ELFN2: variants seen among roughly 807,000 people sequenced by gnomAD.
ELFN2 encodes the protein extracellular leucine rich repeat and fibronectin type III domain containing 2.
Under a neutral mutation model 45.5 loss-of-function variants are expected in ELFN2, and 17 were observed. The observed-to-expected ratio is 0.37, with a 90% confidence interval of 0.26 to 0.56. The LOEUF is 0.56. Ranked by LOEUF, ELFN2 falls within the 20% of genes least tolerant of loss-of-function variation. ELFN2 has a pLI of 0.77. For synonymous variants in ELFN2, 550 were observed against 551.5 expected, an observed-to-expected ratio of 1.00 and a Z score of 0.04; for missense variants, 922 against 1,183.2, an observed-to-expected ratio of 0.78 and a Z score of 3.24.
Position 37,374,399 on chromosome 22 carries a change from G to A in ELFN2, c.1136C>T (p.Thr379Met). Reference sequence around the variant, plus strand: ...CAAGTCTCCGGGGACGGGGTCCCGCGTGGTGAAGGTCAGGCAGGTGTGGTT... The same window carrying A: ...CAAGTCTCCGGGGACGGGGTCCCGCATGGTGAAGGTCAGGCAGGTGTGGTT... Reference protein sequence around the residue: ...RFNHTCLTFTTRDPVPGDLAP... With the variant: ...RFNHTCLTFTMRDPVPGDLAP... Residue 379 changes from threonine to methionine, a missense_variant, in exon 3 of 3, where the codon ACG becomes ATG. Transcript: ENST00000402918. 1.2e-6 allele frequency: 2 copies of A among 1,613,922 alleles called. No homozygotes were observed. Among genetic ancestry groups the A allele is most frequent in the Non-Finnish European group, 1.7e-6 (2 of 1,179,890 alleles).
chr22:37,381,317 C>T (rs1022886836), intron 2 of ELFN2, among the ~76,000 whole-genome samples: 2 of 75,396 alleles, frequency 2.7e-5, no homozygotes, highest in African/African-American at 4.3e-5. Context: ...GGGTTTTCTG[C>T]CCCTGTCAGA....
At chr22:37,410,651 C>T (rs952800511) in intron 2 of ELFN2, among the ~76,000 whole-genome samples, 7 of 152,312 alleles carry the variant, frequency 4.6e-5, no homozygotes, top group African/African-American at 1.7e-4. Flanking sequence ...GACCGGAAAC[C>T]GCAGGCGTGG....
At chr22:37,421,837 T>C (rs1015282526) in intron 1 of ELFN2, among the ~76,000 whole-genome samples, 11 of 152,194 alleles carry the variant, frequency 7.2e-5, no homozygotes, top group Admixed American at 2.0e-4. Flanking sequence ...TAGGCAGATG[T>C]AGGAAATCCA....
In ELFN2 at chr22:37,409,507, G is replaced by T. The variant is rs577875988; in HGVS notation, c.-463+8262C>A. ...AGCCCGCAGGCAGGAATCCCAGCCA[G>T]AATGGGCTCCTGCCTAAAGTGCTCA... On this transcript the variant is annotated intron_variant, in intron 2 of 2. Transcript: ENST00000402918. Among the ~76,000 whole-genome samples the T allele has an allele frequency of 9.5e-4, 145 of 152,324 alleles. 3 individuals are homozygous for T. Among genetic ancestry groups the T allele is most frequent in the Admixed American group, 7.8e-3 (119 of 15,312 alleles).
intron 1 of ELFN2, among the ~76,000 whole-genome samples, chr22:37,418,652 T>C (rs1188043578): frequency 6.7e-6 from 1 of 149,060 alleles, no homozygotes. Flanking sequence ...CTCCTGTTGG[T>C]CACTCGGATC....
chr22:37,392,918 A>C (rs1932120974), intron 2 of ELFN2, among the ~76,000 whole-genome samples: 2 of 152,208 alleles, frequency 1.3e-5, no homozygotes, highest in South Asian at 4.1e-4. Context: ...AATCATTCAG[A>C]CACACCTGCA....
chr22:37,358,569 C>T (rs1024894061), intron 1 of ELFN2, among the ~76,000 whole-genome samples: 1 of 152,234 alleles, frequency 6.6e-6, no homozygotes, highest in Non-Finnish European at 1.5e-5. Flanking sequence ...TCATTCTTCT[C>T]GTCCCATTTC....
rs948692040 is a variant in ELFN2, at chr22:37,372,876, G to A, written c.*196C>T. 54 of 598,796 alleles carry A rather than the reference G, an allele frequency of 9.0e-5. No individual in the cohort carries two copies. Among genetic ancestry groups the A allele is most frequent in the East Asian group, 1.7e-4 (6 of 34,628 alleles). 37.1% of individuals were successfully genotyped at this position (598,796 alleles called of 1,614,324 possible). A position where few individuals can be genotyped will look rare whatever the true frequency, so the allele number is the denominator to read the frequency against. On this transcript the variant is annotated 3_prime_UTR_variant, in exon 3 of 3. Transcript: ENST00000402918. The surrounding 1 kb of genome is among the most constrained non-coding windows in gnomAD (Gnocchi z 4.4). ...AAAATGTGTCTCTGTTTTCCTGTCCGTTATTGTCGGATGTTGGTTTGTTCA... is the reference window on the plus strand; with the variant it reads ...AAAATGTGTCTCTGTTTTCCTGTCCATTATTGTCGGATGTTGGTTTGTTCA...
At chr22:37,391,394 G>C (rs1932083271) in intron 2 of ELFN2, among the ~76,000 whole-genome samples, 1 of 152,106 alleles carries the variant, frequency 6.6e-6, no homozygotes, top group African/African-American at 2.4e-5. Flanking sequence ...ATCACCCTGG[G>C]AACACAAGAG....
chr22:37,395,022 T>C (rs1932175799), intron 2 of ELFN2, among the ~76,000 whole-genome samples: 1 of 151,872 alleles, frequency 6.6e-6, no homozygotes, highest in African/African-American at 2.4e-5. Context: ...GGAGAATCAC[T>C]TGAACCCAGG....
At chr22:37,381,510 G>A (rs904045289) in intron 2 of ELFN2, among the ~76,000 whole-genome samples, 2 of 151,540 alleles carry the variant, frequency 1.3e-5, no homozygotes, top group African/African-American at 2.4e-5. Context: ...TAATCCACCT[G>A]AGATCTCTGC....
chr22:37,391,863 C>G (rs915788923), intron 2 of ELFN2, among the ~76,000 whole-genome samples: 7 of 152,230 alleles, frequency 4.6e-5, no homozygotes, highest in Admixed American at 4.6e-4. Flanking sequence ...CCCACATCCT[C>G]TGAGACTCAG....
chr22:37,380,256 G>A (rs1569134460), intron 2 of ELFN2, among the ~76,000 whole-genome samples: 2 of 152,166 alleles, frequency 1.3e-5, no homozygotes, highest in Admixed American at 6.5e-5. Context: ...AGCTGGGGAC[G>A]CAGGCAGCGG....
Position 37,374,685 on chromosome 22 carries a change from C to T in ELFN2, c.850G>A (p.Glu284Lys), listed in dbSNP as rs1475468087. 6.2e-7 allele frequency: 1 copy of T among 1,611,652 alleles called. No individual in the cohort carries two copies. The highest frequency in any genetic ancestry group is 1.1e-5 in the South Asian group (1 of 91,038). The change falls in exon 3 of 3, where the codon GAG becomes AAG. Residue 284 changes from glutamate (E) to lysine (K), a missense_variant. Glu to Lys is a moderately conservative substitution (Grantham distance 56). This residue lies in a region of ELFN2 where 358 missense variants were observed against 540.4 expected (regional missense o/e 0.66). Coordinates refer to ENST00000402918, the MANE Select transcript of ELFN2 (RefSeq NM_052906.5). Reference sequence around the variant, plus strand: ...TCCGTGGTGGACGAGGCCGGCGGCTCCACCGAAAGGATCTCGTCGGGGTTG... The same window carrying T: ...TCCGTGGTGGACGAGGCCGGCGGCTTCACCGAAAGGATCTCGTCGGGGTTG... ...GFNPDEILSVEPPASSTTDAS... is the reference protein window; with the variant it reads ...GFNPDEILSVKPPASSTTDAS...
chr22:37,347,641 AACACACACACACAC>A (rs55967141), intron 1 of ELFN2, among the ~76,000 whole-genome samples: 165 of 146,676 alleles, frequency 1.1e-3, no homozygotes, highest in Middle Eastern at 0.01. Context: ...TGGGTGGCAG[AACACACACACACAC>A]ACACACACAC....
At chr22:37,416,508 G>C (rs1047128922) in intron 2 of ELFN2, among the ~76,000 whole-genome samples, 2 of 152,190 alleles carry the variant, frequency 1.3e-5, no homozygotes, top group Non-Finnish European at 2.9e-5. Context: ...GCCCAGATGA[G>C]AGACTTATGA....
chr22:37,412,292 A>AAGAAAG lies in ELFN2; in HGVS notation c.-463+5476_-463+5477insCTTTCT, dbSNP rs1555924484. ...AACTCCGTCTCAAAAAAAAAAAAAAAAAAGAAAGAAAGAAAAGGAAAAAAG... is the reference window on the plus strand; with the variant it reads ...AACTCCGTCTCAAAAAAAAAAAAAAAAGAAAGAAAGAAAGAAAGAAAAGGAAAAAAG... On this transcript the variant is annotated intron_variant, in intron 2 of 2. Coordinates refer to ENST00000402918, the MANE Select transcript of ELFN2 (RefSeq NM_052906.5). Among the ~76,000 whole-genome samples, 222 of 146,424 alleles carry AAGAAAG rather than the reference A, an allele frequency of 1.5e-3. 1 individual carries two copies. Among genetic ancestry groups the AAGAAAG allele is most frequent in the African/African-American group, 5.2e-3 (199 of 38,246 alleles).
intron 2 of ELFN2, among the ~76,000 whole-genome samples, chr22:37,392,377 G>A (rs1383611462): frequency 4.7e-5 from 7 of 150,534 alleles, no homozygotes; most frequent in African/African-American, 9.8e-5. Flanking sequence ...GAGTGCAGTG[G>A]CGCAATCTGG....
At chr22:37,349,495 C>G (rs775000904) in intron 1 of ELFN2, among the ~76,000 whole-genome samples, 1 of 151,282 alleles carries the variant, frequency 6.6e-6, no homozygotes, top group African/African-American at 2.4e-5. Context: ...CGTCTGCTCC[C>G]TCCTACAGCC....
Sources: allele counts gnomAD v4.1 joint callset (sites outside exome capture counted in the v4.1 genomes callset), GRCh38; gene constraint gnomAD v4.1.1; regional missense constraint gnomAD v4.1.1; non-coding constraint Gnocchi (gnomAD v3.1); transcripts MANE v1.5; gene names NCBI Gene and HGNC (gene_info 2026-07-23, HGNC 2026-07-21).